ITK: variants seen among roughly 807,000 people sequenced by gnomAD.
ITK encodes the protein tyrosine-protein kinase ITK/TSK.
ITK carries 45 observed loss-of-function variants against 87.6 expected under a neutral mutation model. That is an observed-to-expected ratio of 0.51 (90% CI 0.40 to 0.66). The LOEUF (loss-of-function observed/expected upper bound fraction) is 0.66. ITK is among the 30% of genes least tolerant of loss of function. The pLI, the probability that ITK is intolerant of heterozygous loss-of-function variation, is 0.00. For synonymous variants in ITK, 303 were observed against 273.6 expected (o/e 1.11, Z -1.06); for missense variants, 605 against 766.3 (o/e 0.79, Z 2.48).
intron 1 of ITK, among the ~76,000 whole-genome samples, chr5:157,192,807 A>T (rs2436382): frequency 6.6e-6 from 1 of 151,978 alleles, no homozygotes; most frequent in Non-Finnish European, 1.5e-5. Flanking sequence ...TCCCCCTGGG[A>T]TGTAAATTGA....
At position 157,222,868 on chromosome 5, in the gene ITK, A is replaced by G. The variant is rs768405946; in HGVS notation, c.501A>G (p.Pro167=). The G allele has an allele frequency of 3.7e-6, 6 of 1,614,012 alleles. No individual in the cohort carries two copies. Among genetic ancestry groups the G allele is most frequent in the Non-Finnish European group, 4.2e-6 (5 of 1,179,998 alleles). The change falls in exon 6 of 17, where the codon CCA becomes CCG. Residue 167 remains proline (P), a synonymous_variant. Coordinates refer to ENST00000422843, the MANE Select transcript of ITK (RefSeq NM_005546.4). ...LPPTPEDNRR[P]LWEPEETVVI... is the part of the protein sequence containing the mutation. ...TTGTTGTCTCTCTTCCCCAGCGACC[A>G]CTTTGGGAACCTGAAGAAACTGTGG...
At chr5:157,221,945 G>C (rs1031760965) in intron 5 of ITK, among the ~76,000 whole-genome samples, 6 of 151,896 alleles carry the variant, frequency 4.0e-5, no homozygotes. Flanking sequence ...GAGCCCAGGA[G>C]TTTGAGACCA....
chr5:157,251,781 C>G (rs1209032746), intron 16 of ITK, among the ~76,000 whole-genome samples: 1 of 152,152 alleles, frequency 6.6e-6, no homozygotes, highest in Non-Finnish European at 1.5e-5. Flanking sequence ...CTCCTCTGTT[C>G]CTTTGTTAAA....
chr5:157,189,041 C>G (rs1415164049), intron 1 of ITK, among the ~76,000 whole-genome samples: 4 of 152,118 alleles, frequency 2.6e-5, no homozygotes, highest in African/African-American at 9.7e-5. Context: ...ACTCATGTTG[C>G]ATTCAGAAAA....
intron 1 of ITK, among the ~76,000 whole-genome samples, chr5:157,203,305 T>C (rs1754012534): frequency 2.6e-5 from 4 of 152,228 alleles, no homozygotes; most frequent in African/African-American, 9.6e-5. Flanking sequence ...AATGGCTAAA[T>C]GTACTAGCCT....
At position 157,254,410 on chromosome 5, in the gene ITK, T is replaced by G. The variant is rs1477541729; in HGVS notation, c.*1732T>G. ...TCAAAGCAACTTTAAAAGATTCTTC[T>G]GTAGAAGTATGAGTTCTTCCTTTAA... is the stretch of plus-strand genomic sequence containing the variant. On this transcript the variant is annotated 3_prime_UTR_variant, in exon 17 of 17. Coordinates refer to ENST00000422843, the MANE Select transcript of ITK (RefSeq NM_005546.4). 1 of 222,586 alleles carries G rather than the reference T, an allele frequency of 4.5e-6. No individual in the cohort carries two copies. Among genetic ancestry groups the G allele is most frequent in the Non-Finnish European group, 9.0e-6 (1 of 111,416 alleles). The allele number at this position is 222,586 out of a possible 1,614,324, so 13.8% of individuals were successfully genotyped here.
At chr5:157,245,449 G>C (rs1462947888) in intron 13 of ITK, 3 of 532,920 alleles carry the variant, frequency 5.6e-6, no homozygotes, top group South Asian at 2.0e-5. Context: ...GGTTGCATTA[G>C]AGCCTATCTT....
rs375439519 is a variant in ITK, at chr5:157,187,803, C to CT, written c.138+6699dup. Among the ~76,000 whole-genome samples the CT allele has an allele frequency of 8.1e-4, 119 of 147,504 alleles. No individual in the cohort carries two copies. In the East Asian group the frequency reaches 0.01, roughly 13 times the overall value. ...AGCTAAAGCCTCCGTAGATAATATTCTTTTTTTTTTTCTTGACCCAGAACC... is the reference window on the plus strand; with the variant it reads ...AGCTAAAGCCTCCGTAGATAATATTCTTTTTTTTTTTTCTTGACCCAGAACC... On this transcript the variant is annotated intron_variant, in intron 1 of 16. Coordinates refer to ENST00000422843, the MANE Select transcript of ITK (RefSeq NM_005546.4).
intron 1 of ITK, among the ~76,000 whole-genome samples, chr5:157,182,675 A>G (rs1449495497): frequency 3.3e-5 from 5 of 152,334 alleles, no homozygotes; most frequent in African/African-American, 1.2e-4. Flanking sequence ...TGGAACATTT[A>G]AAGTTTTTGT....
intron 5 of ITK, among the ~76,000 whole-genome samples, chr5:157,221,134 A>T: frequency 6.6e-6 from 1 of 152,212 alleles, no homozygotes; most frequent in East Asian, 1.9e-4. Context: ...TTCTATATAA[A>T]TATTGGGACA....
chr5:157,234,879 C>T (rs1008500507), intron 8 of ITK, among the ~76,000 whole-genome samples: 1 of 152,030 alleles, frequency 6.6e-6, no homozygotes, highest in African/African-American at 2.4e-5. Flanking sequence ...CACATGTATA[C>T]CCATGTAACA....
intron 8 of ITK, among the ~76,000 whole-genome samples, chr5:157,235,707 C>G (rs1368454480): frequency 6.6e-6 from 1 of 152,200 alleles, no homozygotes; most frequent in East Asian, 1.9e-4. Context: ...GGCTGTATTT[C>G]AGAGACACTC....
chr5:157,223,511 A>G (rs1275786448), intron 6 of ITK, among the ~76,000 whole-genome samples: 1 of 152,188 alleles, frequency 6.6e-6, no homozygotes, highest in African/African-American at 2.4e-5. Flanking sequence ...TGAACTAGCC[A>G]TCCACATGAC....
intron 10 of ITK, chr5:157,240,623 T>C: frequency 4.6e-6 from 1 of 217,922 alleles, no homozygotes; most frequent in Non-Finnish European, 9.3e-6. Context: ...ATAGGAAGCA[T>C]GGTGCCGGCA....
intron 16 of ITK, among the ~76,000 whole-genome samples, chr5:157,249,884 C>G (rs1755107233): frequency 6.6e-6 from 1 of 152,154 alleles, no homozygotes; most frequent in Non-Finnish European, 1.5e-5. Flanking sequence ...ATAATGATGG[C>G]TGACATTCAG....
intron 1 of ITK, among the ~76,000 whole-genome samples, chr5:157,198,133 A>C (rs2113744371): frequency 6.6e-6 from 1 of 151,146 alleles, no homozygotes; most frequent in East Asian, 1.9e-4. Flanking sequence ...GAAAAAAAAA[A>C]AAAGGAAAGA....
In ITK at chr5:157,215,883, G is replaced by A. The variant is rs141760591; in HGVS notation, c.454+1564G>A. ...TGCTGCAGCTATTCCTCTTCGGGGCGCAAGTATTTCCCTCCTCCAAGTGAT... is the reference window on the plus strand; with the variant it reads ...TGCTGCAGCTATTCCTCTTCGGGGCACAAGTATTTCCCTCCTCCAAGTGAT... On this transcript the variant is annotated intron_variant, in intron 4 of 16. Coordinates refer to ENST00000422843, the MANE Select transcript of ITK (RefSeq NM_005546.4). 1.5e-3 allele frequency among the ~76,000 whole-genome samples: 223 copies of A among 152,292 alleles called. 1 individual carries two copies. The highest frequency in any genetic ancestry group is 3.4e-3 in the Middle Eastern group (1 of 294).
chr5:157,182,078 G>A (rs1753543521), intron 1 of ITK, among the ~76,000 whole-genome samples: 1 of 152,194 alleles, frequency 6.6e-6, no homozygotes. Context: ...GCTTTATGCA[G>A]TGGCTCTTGT....
At chr5:157,230,021 A>T (rs1490329671) in intron 7 of ITK, among the ~76,000 whole-genome samples, 2 of 152,206 alleles carry the variant, frequency 1.3e-5, no homozygotes, top group African/African-American at 4.8e-5. Context: ...TATAATATAC[A>T]TTATTGGGAC....
Sources: allele counts gnomAD v4.1 joint callset (sites outside exome capture counted in the v4.1 genomes callset), GRCh38; gene constraint gnomAD v4.1.1; transcripts MANE v1.5; gene names NCBI Gene and HGNC (gene_info 2026-07-23, HGNC 2026-07-21).